GBE1: variants seen among roughly 807,000 people sequenced by gnomAD.
The protein encoded by GBE1 is 1,4-alpha-glucan-branching enzyme.
In GBE1, 70 loss-of-function variants were observed where a neutral mutation model predicts 88.8. The ratio of observed to expected loss-of-function variants is 0.79; its 90% confidence interval spans 0.65 to 0.96. The LOEUF (loss-of-function observed/expected upper bound fraction) is 0.96, where lower values mean the gene tolerates loss of function less well. Ranked by LOEUF, GBE1 falls within the 40% of genes least tolerant of loss-of-function variation. The pLI, the probability that GBE1 is intolerant of heterozygous loss-of-function variation, is 0.00. For synonymous variants in GBE1, 284 were observed against 300.1 expected, an observed-to-expected ratio of 0.95 and a Z score of 0.56; for missense variants, 872 against 871.0, an observed-to-expected ratio of 1.00 and a Z score of -0.01.
chr3:81,690,697 C>CT (rs1705507507), intron 2 of GBE1, among the ~76,000 whole-genome samples: 1 of 152,120 alleles, frequency 6.6e-6, no homozygotes, highest in Non-Finnish European at 1.5e-5. Flanking sequence ...CGGAAATCCT[C>CT]TTTTTTGCTG....
At chr3:81,553,943 A>G (rs570340321) in intron 12 of GBE1, among the ~76,000 whole-genome samples, 32 of 152,174 alleles carry the variant, frequency 2.1e-4, no homozygotes, top group Non-Finnish European at 4.3e-4. Flanking sequence ...ATTTAAAATA[A>G]ATAATAAAAA....
intron 15 of GBE1, 31 bp from the exon 16 acceptor site, chr3:81,490,494 G>T (rs376123178): frequency 1.3e-6 from 2 of 1,569,462 alleles, no homozygotes; most frequent in Non-Finnish European, 8.8e-7. Context: ...CAGTGCAATT[G>T]AAGAAAGTAC....
chr3:81,747,292 G>C (rs1447970969), intron 1 of GBE1, among the ~76,000 whole-genome samples: 1 of 152,138 alleles, frequency 6.6e-6, no homozygotes, highest in Non-Finnish European at 1.5e-5. Context: ...ACTCTGTTTA[G>C]AAGATAGAAA....
chr3:81,736,505 G>A (rs780622931), intron 1 of GBE1, among the ~76,000 whole-genome samples: 4 of 152,116 alleles, frequency 2.6e-5, no homozygotes, highest in Non-Finnish European at 4.4e-5. Context: ...AGTCTACTTA[G>A]AATTCAACCC....
intron 15 of GBE1, 144 bp from the exon 16 acceptor site, chr3:81,490,607 C>A: frequency 1.4e-6 from 1 of 699,848 alleles, no homozygotes; most frequent in Non-Finnish European, 2.5e-6. Context: ...TTAGAAGGCT[C>A]AATTTCACAG....
chr3:81,563,178 C>A (rs901421007), intron 12 of GBE1, among the ~76,000 whole-genome samples: 1 of 152,048 alleles, frequency 6.6e-6, no homozygotes, highest in Non-Finnish European at 1.5e-5. Context: ...TAAAATGAAG[C>A]CTCTGATCAA....
chr3:81,528,159 T>C (rs1352013960), intron 14 of GBE1, among the ~76,000 whole-genome samples: 3 of 145,920 alleles, frequency 2.1e-5, no homozygotes, highest in South Asian at 2.2e-4. Flanking sequence ...CAGGTGGGAA[T>C]TGAACAATGA....
chr3:81,640,771 C>T (rs900464713), intron 7 of GBE1, among the ~76,000 whole-genome samples: 22 of 151,326 alleles, frequency 1.5e-4, no homozygotes, highest in East Asian at 9.7e-4. Flanking sequence ...AATACAAATG[C>T]AATTTAATAA....
chr3:81,616,795 T>A (rs1176397285), intron 7 of GBE1, among the ~76,000 whole-genome samples: 1 of 152,128 alleles, frequency 6.6e-6, no homozygotes, highest in Non-Finnish European at 1.5e-5. Flanking sequence ...AATGACATCT[T>A]TACTACTTTG....
At chr3:81,591,771 TTACTC>T (rs2106953364) in intron 8 of GBE1, among the ~76,000 whole-genome samples, 1 of 152,238 alleles carries the variant, frequency 6.6e-6, no homozygotes, top group African/African-American at 2.4e-5. Context: ...TTTCAGTAAT[TTACTC>T]TTATTGTTAT....
chr3:81,583,394 C>T (rs533628314), intron 10 of GBE1, among the ~76,000 whole-genome samples: 3 of 152,056 alleles, frequency 2.0e-5, no homozygotes, highest in South Asian at 4.1e-4. Context: ...GTTATGAAAA[C>T]TTATGTTGAT....
chr3:81,696,800 A>G (rs1705603279), intron 2 of GBE1, among the ~76,000 whole-genome samples: 8 of 152,204 alleles, frequency 5.3e-5, no homozygotes, highest in Admixed American at 5.2e-4. Flanking sequence ...TTAAAAAGCA[A>G]TATGAGGCTA....
chr3:81,654,708 T>C (rs959978994), intron 3 of GBE1: 3 of 152,226 alleles, frequency 2.0e-5, no homozygotes, highest in East Asian at 3.8e-4. Flanking sequence ...AACTATTTGA[T>C]AGGCTACAGG....
At chr3:81,691,621 T>C (rs9842415) in intron 2 of GBE1, among the ~76,000 whole-genome samples, 12,951 of 151,720 alleles carry the variant, frequency 0.085, 1,157 homozygotes, top group African/African-American at 0.22. Flanking sequence ...CTATAAAAAA[T>C]AATAAAAATT....
chr3:81,576,571 G>A (rs536514168), intron 12 of GBE1, among the ~76,000 whole-genome samples: 9 of 152,248 alleles, frequency 5.9e-5, no homozygotes, highest in East Asian at 1.9e-4. Flanking sequence ...AAGGCCTTAC[G>A]GAGTGCCCAT....
At chr3:81,687,974 T>C (rs1302519467) in intron 2 of GBE1, among the ~76,000 whole-genome samples, 1 of 152,222 alleles carries the variant, frequency 6.6e-6, no homozygotes, top group Non-Finnish European at 1.5e-5. Flanking sequence ...CCAAAAATTC[T>C]GCTCATCACT....
rs1048829524 is a variant in GBE1 at position 81,721,401 on chromosome 3, G to A, written c.144-15788C>T. Among the ~76,000 whole-genome samples, 25 of 151,808 alleles carry A rather than the reference G, an allele frequency of 1.6e-4. 1 individual carries two copies. The highest frequency in any genetic ancestry group is 2.5e-4 in the Non-Finnish European group (17 of 67,972). On this transcript the variant is annotated intron_variant, in intron 1 of 15. Coordinates refer to ENST00000429644, the MANE Select transcript of GBE1 (RefSeq NM_000158.4). Reference sequence around the variant, plus strand: ...CACCTAAGCCTTGTATTGCTTATGGGGAACAGTTTTTCAATTCTGTGATCC... The same window carrying A: ...CACCTAAGCCTTGTATTGCTTATGGAGAACAGTTTTTCAATTCTGTGATCC...
intron 2 of GBE1, among the ~76,000 whole-genome samples, chr3:81,675,818 A>G (rs1705244186): frequency 1.3e-5 from 2 of 152,106 alleles, no homozygotes; most frequent in Non-Finnish European, 2.9e-5. Context: ...ATTTTATTAC[A>G]ACATCTGCTA....
At chr3:81,703,465 G>A (rs1218683544) in intron 2 of GBE1, among the ~76,000 whole-genome samples, 2 of 151,968 alleles carry the variant, frequency 1.3e-5, no homozygotes, top group Admixed American at 6.6e-5. Context: ...AAAGAAGCCA[G>A]TAGCTACAAG....
Sources: gnomAD v4.1 joint callset for allele counts (sites outside exome capture counted in the v4.1 genomes callset) on GRCh38, gnomAD v4.1.1 for gene constraint, MANE v1.5 for transcripts, NCBI Gene and HGNC (gene_info 2026-07-23, HGNC 2026-07-21) for gene names.